NRXN1: variants seen among roughly 807,000 people sequenced by gnomAD.
NRXN1 encodes neurexin 1.
In NRXN1, 39 loss-of-function variants were observed where a neutral mutation model predicts 150.9. The ratio of observed to expected loss-of-function variants is 0.26; its 90% CI spans 0.20 to 0.34. The LOEUF is 0.34. Ranked by LOEUF, NRXN1 falls within the 10% of genes least tolerant of loss-of-function variation. The pLI is 1.00. For missense variants in NRXN1, 1,815 were observed against 1,949.9 expected (o/e 0.93, Z 1.30); for synonymous variants, 924 against 757.0 (o/e 1.22, Z -3.62).
chr2:50,821,064 G>C (rs1338600364), intron 5 of NRXN1, among the ~76,000 whole-genome samples: 1 of 152,076 alleles, frequency 6.6e-6, no homozygotes, highest in Non-Finnish European at 1.5e-5. Flanking sequence ...CAGAAGTTTA[G>C]GTGTCATCAA....
chr2:50,898,353 A>G (rs1283036083), intron 5 of NRXN1, among the ~76,000 whole-genome samples: 2 of 152,120 alleles, frequency 1.3e-5, no homozygotes, highest in Non-Finnish European at 2.9e-5. Flanking sequence ...TATTTTTTAA[A>G]TATGGGCCAT....
intron 17 of NRXN1, among the ~76,000 whole-genome samples, chr2:50,383,662 G>C (rs993517677): frequency 1.3e-5 from 2 of 152,136 alleles, no homozygotes; most frequent in Non-Finnish European, 2.9e-5. Flanking sequence ...ACTAGGTTAA[G>C]AGTGGGAAGA....
chr2:50,574,902 T>A (rs1445328203), intron 8 of NRXN1, among the ~76,000 whole-genome samples: 1 of 152,198 alleles, frequency 6.6e-6, no homozygotes, highest in African/African-American at 2.4e-5. Context: ...TGATGCTCTG[T>A]ATCGTTTGAG....
At chr2:49,986,828 C>G (rs1165470054) in intron 21 of NRXN1, among the ~76,000 whole-genome samples, 1 of 151,994 alleles carries the variant, frequency 6.6e-6, no homozygotes, top group East Asian at 1.9e-4. Flanking sequence ...CTTTGGGAGG[C>G]CAAGGCAGGT....
At chr2:50,678,565 A>G (rs1041277400) in intron 5 of NRXN1, among the ~76,000 whole-genome samples, 1 of 152,090 alleles carries the variant, frequency 6.6e-6, no homozygotes, top group Non-Finnish European at 1.5e-5. Flanking sequence ...GAAAAACCTC[A>G]TTTTCAATTT....
chr2:50,837,765 T>G (rs994158748), intron 5 of NRXN1, among the ~76,000 whole-genome samples: 4 of 152,084 alleles, frequency 2.6e-5, no homozygotes, highest in African/African-American at 9.7e-5. Flanking sequence ...GTTAACAGAT[T>G]TAAGTGGTTA....
chr2:50,224,878 A>G (rs2064226821), intron 18 of NRXN1, among the ~76,000 whole-genome samples: 1 of 151,998 alleles, frequency 6.6e-6, no homozygotes, highest in African/African-American at 2.4e-5. Context: ...GCAGGGAAAT[A>G]TATCACATAA....
chr2:50,449,677 T>A (rs1027689808), intron 17 of NRXN1, among the ~76,000 whole-genome samples: 1 of 152,194 alleles, frequency 6.6e-6, no homozygotes, highest in African/African-American at 2.4e-5. Flanking sequence ...CATGGGTATA[T>A]GTCACTACAT....
chr2:50,972,651 A>G (rs1695191755), intron 2 of NRXN1, among the ~76,000 whole-genome samples: 1 of 152,070 alleles, frequency 6.6e-6, no homozygotes, highest in Non-Finnish European at 1.5e-5. Flanking sequence ...GGTCTCATCT[A>G]GGGGTGATGG....
chr2:50,373,287 T>TTA (rs1413731399), intron 17 of NRXN1, among the ~76,000 whole-genome samples: 2 of 125,930 alleles, frequency 1.6e-5, no homozygotes, highest in African/African-American at 6.7e-5. Context: ...TTTATTTTAT[T>TTA]TTATTTTTTA....
At chr2:50,631,077 A>G in intron 5 of NRXN1, 1 of 450,740 alleles carries the variant, frequency 2.2e-6, no homozygotes, top group Non-Finnish European at 4.5e-6. Context: ...CAATAAATTG[A>G]TTATTACAAG....
At chr2:50,829,490 A>T in intron 5 of NRXN1, 1 of 1,589,730 alleles carries the variant, frequency 6.3e-7, no homozygotes, top group South Asian at 1.1e-5. Context: ...TAATAATGAG[A>T]AAGGCGCGAA....
chr2:50,862,534 A>G (rs758931960), intron 5 of NRXN1, among the ~76,000 whole-genome samples: 3 of 152,002 alleles, frequency 2.0e-5, no homozygotes, highest in Non-Finnish European at 4.4e-5. Flanking sequence ...CTGAGTCAGG[A>G]AAGGAGGAAT....
At chr2:50,169,068 A>G (rs779433692) in intron 18 of NRXN1, among the ~76,000 whole-genome samples, 1 of 152,210 alleles carries the variant, frequency 6.6e-6, no homozygotes. Flanking sequence ...AATAGCTCAT[A>G]TTGAGCAAGT....
At chr2:50,846,769 C>T (rs1673717619) in intron 5 of NRXN1, among the ~76,000 whole-genome samples, 1 of 152,144 alleles carries the variant, frequency 6.6e-6, no homozygotes, top group Non-Finnish European at 1.5e-5. Flanking sequence ...AATATCTTTC[C>T]TTTATCCTTC....
intron 18 of NRXN1, among the ~76,000 whole-genome samples, chr2:50,168,097 C>T (rs953187646): frequency 2.6e-5 from 4 of 151,906 alleles, no homozygotes; most frequent in Non-Finnish European, 5.9e-5. Context: ...ATTAAATCTT[C>T]CTCTTAATAA....
At chr2:50,693,025 A>G (rs1474574094) in intron 5 of NRXN1, among the ~76,000 whole-genome samples, 1 of 152,200 alleles carries the variant, frequency 6.6e-6, no homozygotes, top group Non-Finnish European at 1.5e-5. Context: ...TGGGTGGACT[A>G]GAAAAATACC....
chr2:50,226,530 G>A (rs1044821759), intron 18 of NRXN1, among the ~76,000 whole-genome samples: 4 of 151,872 alleles, frequency 2.6e-5, no homozygotes, highest in Non-Finnish European at 4.4e-5. Flanking sequence ...CAAGGAGGAG[G>A]GGGAGAAAAT....
At chr2:50,553,641 AATACTGTTAAGTAATG>A (rs1667831616) in intron 8 of NRXN1, among the ~76,000 whole-genome samples, 1 of 152,242 alleles carries the variant, frequency 6.6e-6, no homozygotes, top group African/African-American at 2.4e-5. Context: ...AATACCTTTG[AATACTGTTAAGTAATG>A]TGGCACTGCC....
Sources: allele counts gnomAD v4.1 joint callset (sites outside exome capture counted in the v4.1 genomes callset), GRCh38; gene constraint gnomAD v4.1.1; transcripts MANE v1.5; gene names NCBI Gene and HGNC (gene_info 2026-07-23, HGNC 2026-07-21).